LNP1: variants seen among roughly 807,000 people sequenced by gnomAD.
LNP1 encodes the protein leukemia NUP98 fusion partner 1.
In LNP1, 12 loss-of-function variants were observed where a neutral mutation model predicts 14.5. The ratio of observed to expected loss-of-function variants is 0.83; its 90% CI spans 0.53 to 1.34. The LOEUF (loss-of-function observed/expected upper bound fraction) is 1.34, where lower values mean the gene tolerates loss of function less well. Among genes scored for constraint, LNP1 ranks in the 40% most tolerant of loss-of-function variants. The pLI is 0.00. For synonymous variants in LNP1, 75 were observed against 71.4 expected, an observed-to-expected ratio of 1.05 and a Z score of -0.26; for missense variants, 198 against 210.9, an observed-to-expected ratio of 0.94 and a Z score of 0.38.
intron 2 of LNP1, among the ~76,000 whole-genome samples, chr3:100,430,115 A>G (rs1200727328): frequency 2.6e-5 from 4 of 152,176 alleles, no homozygotes; most frequent in Non-Finnish European, 4.4e-5. Flanking sequence ...TGTCTGAGAT[A>G]TCTTTAACTA....
chr3:100,444,582 G>A lies in LNP1; in HGVS notation c.157-7137G>A, dbSNP rs573529103. Among the ~76,000 whole-genome samples, 243 of 152,234 alleles carry A rather than the reference G, an allele frequency of 1.6e-3. 1 individual carries two copies. The highest frequency in any genetic ancestry group is 2.8e-3 in the Non-Finnish European group (189 of 68,016). On this transcript the variant is annotated intron_variant, in intron 2 of 3. Coordinates refer to ENST00000383693, the MANE Select transcript of LNP1 (RefSeq NM_001085451.2). Reference sequence around the variant, plus strand: ...AAGACATAATTTATTATTTGATTTGGAAAATTTGTCAAATATCCAAGGTTT... The same window carrying A: ...AAGACATAATTTATTATTTGATTTGAAAAATTTGTCAAATATCCAAGGTTT...
intron 1 of LNP1, among the ~76,000 whole-genome samples, chr3:100,405,483 A>G (rs1706956840): frequency 6.6e-6 from 1 of 152,182 alleles, no homozygotes; most frequent in South Asian, 2.1e-4. Context: ...ATTCCTGAGG[A>G]TGGGGGTTTG....
At chr3:100,423,315 A>T (rs182726310) in intron 1 of LNP1, among the ~76,000 whole-genome samples, 2 of 152,168 alleles carry the variant, frequency 1.3e-5, no homozygotes, top group African/African-American at 2.4e-5. Flanking sequence ...ATAAAAAAAA[A>T]TAAGTTACTA....
chr3:100,440,722 G>C (rs936013469), intron 2 of LNP1, among the ~76,000 whole-genome samples: 15 of 152,176 alleles, frequency 9.9e-5, no homozygotes, highest in African/African-American at 3.6e-4. Context: ...CTAGCAGAGA[G>C]TAAAACATAG....
intron 1 of LNP1, among the ~76,000 whole-genome samples, chr3:100,426,226 T>A (rs1016874867): frequency 6.6e-5 from 10 of 152,202 alleles, no homozygotes; most frequent in African/African-American, 2.4e-4. Flanking sequence ...TAGCAGAGTT[T>A]ATGGCCCCAC....
At chr3:100,434,831 CTTTT>C (rs57009371) in intron 2 of LNP1, among the ~76,000 whole-genome samples, 2 of 140,380 alleles carry the variant, frequency 1.4e-5, no homozygotes, top group Non-Finnish European at 1.5e-5. Context: ...ACCCGGCTGT[CTTTT>C]TTTTTTTTTT....
At chr3:100,407,753 A>G (rs750140364) in intron 1 of LNP1, among the ~76,000 whole-genome samples, 7 of 152,178 alleles carry the variant, frequency 4.6e-5, no homozygotes, top group African/African-American at 1.7e-4. Context: ...ATACTATCCC[A>G]TAAACCCTAT....
intron 1 of LNP1, among the ~76,000 whole-genome samples, chr3:100,409,883 C>T (rs1024506495): frequency 6.6e-6 from 1 of 151,724 alleles, no homozygotes; most frequent in African/African-American, 2.4e-5. Flanking sequence ...GCGTGAGCCA[C>T]CACACCCAGC....
intron 1 of LNP1, among the ~76,000 whole-genome samples, chr3:100,407,486 A>T (rs1706981876): frequency 6.6e-6 from 1 of 152,058 alleles, no homozygotes; most frequent in Admixed American, 6.6e-5. Flanking sequence ...CGTATATGTT[A>T]CTTGCTTTTT....
At chr3:100,447,003 A>C (rs1478202400) in intron 2 of LNP1, among the ~76,000 whole-genome samples, 1 of 152,080 alleles carries the variant, frequency 6.6e-6, no homozygotes. Flanking sequence ...TGTTGGTGGG[A>C]GTGTAAATTA....
intron 2 of LNP1, among the ~76,000 whole-genome samples, chr3:100,446,395 A>G (rs975225928): frequency 6.6e-6 from 1 of 152,236 alleles, no homozygotes; most frequent in African/African-American, 2.4e-5. Flanking sequence ...CTGGCTAGCC[A>G]TATGTAGAAA....
intron 3 of LNP1, 147 bp downstream of exon 3, chr3:100,452,096 AT>A (rs752514491): frequency 1.9e-6 from 1 of 534,756 alleles, no homozygotes; most frequent in Non-Finnish European, 3.3e-6. Flanking sequence ...TCAGTTTAAC[AT>A]AACCCAGAAT....
chr3:100,411,560 A>C (rs1365652638), intron 1 of LNP1, among the ~76,000 whole-genome samples: 1 of 152,366 alleles, frequency 6.6e-6, no homozygotes, highest in South Asian at 2.1e-4. Flanking sequence ...ACTGAGTGGC[A>C]TAAACAGCAG....
At chr3:100,440,704 G>T (rs1707336373) in intron 2 of LNP1, among the ~76,000 whole-genome samples, 1 of 152,168 alleles carries the variant, frequency 6.6e-6, no homozygotes, top group South Asian at 2.1e-4. Flanking sequence ...AAGGCAAGGT[G>T]CTGGGTACTA....
intron 2 of LNP1, among the ~76,000 whole-genome samples, chr3:100,435,190 T>C (rs1459317090): frequency 6.6e-6 from 1 of 152,240 alleles, no homozygotes; most frequent in Non-Finnish European, 1.5e-5. Context: ...GTGAGAACTC[T>C]ATAGGGAGCT....
chr3:100,431,821 C>T (rs111793488), intron 2 of LNP1, among the ~76,000 whole-genome samples: 1,651 of 133,962 alleles, frequency 0.012, 28 homozygotes, highest in African/African-American at 0.045. Context: ...AGTGAGACTC[C>T]GTCTCTCAAA....
intron 1 of LNP1, among the ~76,000 whole-genome samples, chr3:100,413,536 A>G (rs552592050): frequency 4.6e-5 from 7 of 152,150 alleles, no homozygotes; most frequent in Non-Finnish European, 1.0e-4. Context: ...ACTCACATGG[A>G]TTTATAAGAT....
chr3:100,434,831 CTTTTTTT>C (rs57009371), intron 2 of LNP1, among the ~76,000 whole-genome samples: 1 of 140,382 alleles, frequency 7.1e-6, no homozygotes, highest in African/African-American at 2.7e-5. Flanking sequence ...ACCCGGCTGT[CTTTTTTT>C]TTTTTTTTTT....
intron 2 of LNP1, among the ~76,000 whole-genome samples, chr3:100,431,828 C>CAAAA (rs761853159): frequency 4.6e-5 from 3 of 65,314 alleles, no homozygotes; most frequent in Admixed American, 1.9e-4. Context: ...CTCCGTCTCT[C>CAAAA]AAAAAAAAAA....
Sources: gnomAD v4.1 joint callset for allele counts (sites outside exome capture counted in the v4.1 genomes callset) on GRCh38, gnomAD v4.1.1 for gene constraint, MANE v1.5 for transcripts, NCBI Gene and HGNC (gene_info 2026-07-23, HGNC 2026-07-21) for gene names.